KCNQ5: variants seen among roughly 807,000 people sequenced by gnomAD.
KCNQ5 encodes the protein potassium voltage-gated channel subfamily Q member 5.
Under a neutral mutation model 98.2 loss-of-function variants are expected in KCNQ5, and 30 were observed. That is an observed-to-expected ratio of 0.31 (90% CI 0.23 to 0.41). The LOEUF is 0.41. KCNQ5 is among the 10% of genes least tolerant of loss of function. The probability of loss-of-function intolerance (pLI) is 1.00; values close to 1 mark genes in which losing one functional copy is unlikely to be tolerated. For missense variants in KCNQ5, 835 were observed against 1,182.5 expected (o/e 0.71, Z 4.31); for synonymous variants, 458 against 449.4 (o/e 1.02, Z -0.24).
intron 1 of KCNQ5, chr6:72,987,857 C>T: frequency 2.8e-6 from 1 of 353,138 alleles, no homozygotes; most frequent in Non-Finnish European, 5.4e-6. Flanking sequence ...TGGTGATGAC[C>T]TTGAGCAGTA....
chr6:72,844,446 A>C (rs1337055845), intron 1 of KCNQ5, among the ~76,000 whole-genome samples: 1 of 152,232 alleles, frequency 6.6e-6, no homozygotes, highest in Non-Finnish European at 1.5e-5. Context: ...CCATTCTATA[A>C]TGAAACATAT....
intron 11 of KCNQ5, among the ~76,000 whole-genome samples, chr6:73,181,134 A>G (rs1778391582): frequency 6.6e-6 from 1 of 152,240 alleles, no homozygotes; most frequent in East Asian, 1.9e-4. Context: ...TTATTTCTTC[A>G]TGCTCAGAAA....
intron 1 of KCNQ5, among the ~76,000 whole-genome samples, chr6:73,003,358 C>A (rs1338918287): frequency 2.0e-5 from 3 of 151,986 alleles, no homozygotes; most frequent in Non-Finnish European, 2.9e-5. Flanking sequence ...CTTTTCTATT[C>A]TTATTATTAA....
Position 72,622,293 on chromosome 6 carries a change from G to A in KCNQ5, c.104G>A (p.Gly35Asp), listed in dbSNP as rs866661598. ...GCGGGCGGGGGGCGCTTGGGCAGCG[G>A]CATGAAGGATGTGGAGTCCGGCCGG... ...AAAGGGRLGSGMKDVESGRGR... is the reference protein window; with the variant it reads ...AAAGGGRLGSDMKDVESGRGR... The change falls in exon 1 of 14, where the codon GGC becomes GAC. Residue 35 changes from glycine to aspartate, a missense_variant. By Grantham distance (94) the Gly-to-Asp change is moderately conservative. Coordinates refer to ENST00000370398, the MANE Select transcript of KCNQ5 (RefSeq NM_019842.4). This position sits in a 1 kb window ranked among gnomAD's most constrained non-coding sequence, Gnocchi z 6.0. 3 of 1,320,912 alleles carry A rather than the reference G, an allele frequency of 2.3e-6. No individual in the cohort carries two copies. Among genetic ancestry groups the A allele is most frequent in the Non-Finnish European group, 1.9e-6 (2 of 1,039,168 alleles). The allele number at this position is 1,320,912 out of a possible 1,614,324, so 81.8% of individuals were successfully genotyped here.
chr6:72,859,373 C>T (rs1453790938), intron 1 of KCNQ5, among the ~76,000 whole-genome samples: 1 of 152,024 alleles, frequency 6.6e-6, no homozygotes. Context: ...AATCATCTTC[C>T]AATGTGCAGA....
intron 1 of KCNQ5, among the ~76,000 whole-genome samples, chr6:72,759,893 C>G (rs1328598208): frequency 3.3e-5 from 5 of 151,922 alleles, no homozygotes; most frequent in African/African-American, 9.7e-5. Flanking sequence ...CACGCTCTGG[C>G]CTATTTTTCA....
chr6:72,889,959 G>C (rs184287942), intron 1 of KCNQ5, among the ~76,000 whole-genome samples: 1 of 152,162 alleles, frequency 6.6e-6, no homozygotes, highest in African/African-American at 2.4e-5. Flanking sequence ...ACAAGGCAGA[G>C]AGAACTGAAT....
chr6:72,770,205 T>C (rs1387067535), intron 1 of KCNQ5, among the ~76,000 whole-genome samples: 2 of 152,166 alleles, frequency 1.3e-5, no homozygotes, highest in South Asian at 2.1e-4. Flanking sequence ...GGTGAAATTA[T>C]TTTGTTGTCA....
chr6:72,676,690 TC>T (rs1425742410), intron 1 of KCNQ5, among the ~76,000 whole-genome samples: 116 of 152,364 alleles, frequency 7.6e-4, no homozygotes, highest in African/African-American at 2.7e-3. Context: ...CTTGTTTATA[TC>T]TATTTTTGCT....
At chr6:72,659,428 T>C (rs1358979542) in intron 1 of KCNQ5, among the ~76,000 whole-genome samples, 1 of 152,220 alleles carries the variant, frequency 6.6e-6, no homozygotes, top group African/African-American at 2.4e-5. Flanking sequence ...AGTTCATTCG[T>C]GCTGTCATAA....
intron 5 of KCNQ5, among the ~76,000 whole-genome samples, chr6:73,091,947 T>C (rs1774269621): frequency 6.6e-6 from 1 of 152,182 alleles, no homozygotes; most frequent in African/African-American, 2.4e-5. Flanking sequence ...CAATATTGAT[T>C]CTACCTATCC....
At position 73,196,715 on chromosome 6, in the gene KCNQ5, T is replaced by A. The variant is rs1165484213; in HGVS notation, c.*1301T>A. 1 of 152,224 alleles carries A rather than the reference T, an allele frequency of 6.6e-6. No homozygotes were observed. Among genetic ancestry groups the A allele is most frequent in the Non-Finnish European group, 1.5e-5 (1 of 68,042 alleles). 9.4% of individuals were successfully genotyped at this position (152,224 alleles called of 1,614,324 possible). A position where few individuals can be genotyped will look rare whatever the true frequency, so the allele number is the denominator to read the frequency against. The stretch of plus-strand genomic sequence containing the variant: ...AATGTTGTCCCAAATCTGAAATTAC[T>A]GGTTCAATTTCCTGATATAAACATT... On this transcript the variant is annotated 3_prime_UTR_variant, in exon 14 of 14. Coordinates refer to ENST00000370398, the MANE Select transcript of KCNQ5 (RefSeq NM_019842.4).
intron 1 of KCNQ5, among the ~76,000 whole-genome samples, chr6:72,791,932 C>T (rs1021206440): frequency 4.6e-5 from 7 of 152,192 alleles, no homozygotes; most frequent in Admixed American, 1.3e-4. Context: ...CTGCTGTCAA[C>T]ACTATTGCAT....
At chr6:72,682,204 AC>A (rs1481063471) in intron 1 of KCNQ5, among the ~76,000 whole-genome samples, 15 of 152,158 alleles carry the variant, frequency 9.9e-5, no homozygotes, top group African/African-American at 3.4e-4. Context: ...TATTAAAAAA[AC>A]AAAACAAAAC....
chr6:72,850,732 T>C (rs1266396377), intron 1 of KCNQ5, among the ~76,000 whole-genome samples: 1 of 151,948 alleles, frequency 6.6e-6, no homozygotes, highest in East Asian at 1.9e-4. Flanking sequence ...TGGATGCTAC[T>C]TGCCTAAGAC....
At chr6:72,729,739 G>T (rs1347876175) in intron 1 of KCNQ5, among the ~76,000 whole-genome samples, 1 of 151,494 alleles carries the variant, frequency 6.6e-6, no homozygotes, top group Non-Finnish European at 1.5e-5. Flanking sequence ...AAATGAAGTT[G>T]CTTTTCCTTT....
At chr6:72,744,089 A>T (rs560816778) in intron 1 of KCNQ5, among the ~76,000 whole-genome samples, 2 of 152,246 alleles carry the variant, frequency 1.3e-5, no homozygotes, top group Non-Finnish European at 2.9e-5. Flanking sequence ...CTGGCACTTA[A>T]AACATTCTTC....
chr6:72,623,366 C>T (rs577365921), intron 1 of KCNQ5, among the ~76,000 whole-genome samples: 21 of 142,044 alleles, frequency 1.5e-4, no homozygotes, highest in Admixed American at 1.4e-3. Context: ...TGGGTTAAGT[C>T]CCCGTTTGTG....
chr6:72,794,090 A>C (rs1197935960), intron 1 of KCNQ5, among the ~76,000 whole-genome samples: 1 of 152,242 alleles, frequency 6.6e-6, no homozygotes, highest in African/African-American at 2.4e-5. Flanking sequence ...ATAAAATTCG[A>C]AGAAAATCAT....
Sources: allele counts gnomAD v4.1 joint callset (sites outside exome capture counted in the v4.1 genomes callset), GRCh38; gene constraint gnomAD v4.1.1; non-coding constraint Gnocchi (gnomAD v3.1); transcripts MANE v1.5; gene names NCBI Gene and HGNC (gene_info 2026-07-23, HGNC 2026-07-21).